The following SAE1 variants were observed in gnomAD, a reference collection of about 807,000 sequenced individuals.
The protein encoded by SAE1 is SUMO1 activating enzyme subunit 1, also known as SUMO-activating enzyme subunit 1.
A neutral mutation model predicts 40.6 loss-of-function variants in SAE1; 11 were observed. The observed-to-expected ratio is 0.27, with a 90% CI of 0.17 to 0.45. The LOEUF (loss-of-function observed/expected upper bound fraction) is 0.45. Among genes scored for constraint, SAE1 ranks in the 20% least tolerant of loss-of-function variants. The pLI, the probability that SAE1 is intolerant of heterozygous loss-of-function variation, is 1.00. For missense variants in SAE1, 373 were observed against 427.3 expected (o/e 0.87, Z 1.12); for synonymous variants, 155 against 154.3 (o/e 1.00, Z -0.03).
At chr19:47,187,798 A>C (rs2058552876) in intron 6 of SAE1, among the ~76,000 whole-genome samples, 1 of 152,124 alleles carries the variant, frequency 6.6e-6, no homozygotes, top group African/African-American at 2.4e-5. Flanking sequence ...CTGGGATTAC[A>C]GGCGTGAGCC....
chr19:47,158,301 C>G (rs1465224322), intron 5 of SAE1, among the ~76,000 whole-genome samples: 2 of 152,188 alleles, frequency 1.3e-5, no homozygotes, highest in Non-Finnish European at 2.9e-5. Context: ...GTGGGCCTTT[C>G]TAGCACCTGT....
intron 6 of SAE1, among the ~76,000 whole-genome samples, chr19:47,196,333 CTTT>C (rs61498882): frequency 0.011 from 313 of 27,790 alleles, no homozygotes; most frequent in East Asian, 0.024. Context: ...CCGCGCCTGG[CTTT>C]TTTTTTTTTT....
At chr19:47,195,662 C>CCCCTTT (rs977429674) in intron 6 of SAE1, among the ~76,000 whole-genome samples, 2 of 151,712 alleles carry the variant, frequency 1.3e-5, no homozygotes, top group South Asian at 2.1e-4. Context: ...TAGGTCCCTT[C>CCCCTTT]CCCTTTCCCT....
chr19:47,195,839 A>T (rs1201408236), intron 6 of SAE1, among the ~76,000 whole-genome samples: 3 of 134,614 alleles, frequency 2.2e-5, no homozygotes, highest in Non-Finnish European at 4.6e-5. Flanking sequence ...GGCTCAAGTG[A>T]TCTTCTGCCT....
chr19:47,156,691 G>A (rs1228062633), intron 5 of SAE1, among the ~76,000 whole-genome samples: 2 of 152,084 alleles, frequency 1.3e-5, no homozygotes, highest in Non-Finnish European at 2.9e-5. Context: ...GCTAATTTTT[G>A]TATTTTTAGT....
intron 6 of SAE1, among the ~76,000 whole-genome samples, chr19:47,187,818 G>A (rs1031302918): frequency 2.0e-5 from 3 of 151,188 alleles, no homozygotes; most frequent in Admixed American, 6.6e-5. Flanking sequence ...CACTGCACCC[G>A]GCCTCTGGAT....
chr19:47,181,799 T>C lies in SAE1; in HGVS notation c.733+11876T>C, dbSNP rs2058508683. ...TGGCCTCTTTTTTTTTTTTTTTTTT[T>C]TTAATTTTACAGAATTTTTTTTTTT... On this transcript the variant is annotated intron_variant, in intron 6 of 8. Coordinates refer to ENST00000270225, the MANE Select transcript of SAE1 (RefSeq NM_005500.3). 2.7e-5 allele frequency among the ~76,000 whole-genome samples: 4 copies of C among 149,640 alleles called. No individual in the cohort carries two copies. In the South Asian group the frequency reaches 8.4e-4, roughly 31 times the overall value.
intron 2 of SAE1, among the ~76,000 whole-genome samples, chr19:47,143,953 T>G (rs985985029): frequency 3.9e-5 from 6 of 152,132 alleles, no homozygotes; most frequent in African/African-American, 1.4e-4. Context: ...AAATGCAGAG[T>G]GGCCTGGAGG....
intron 3 of SAE1, among the ~76,000 whole-genome samples, chr19:47,152,622 A>G (rs1340304784): frequency 6.6e-6 from 1 of 152,204 alleles, no homozygotes; most frequent in Non-Finnish European, 1.5e-5. Flanking sequence ...TTCGTGGATT[A>G]CAGAAAACAT....
chr19:47,193,993 CT>C (rs376857109), intron 6 of SAE1, among the ~76,000 whole-genome samples: 15 of 148,762 alleles, frequency 1.0e-4, no homozygotes, highest in Non-Finnish European at 7.5e-5. Context: ...CAGGGTGTGT[CT>C]TTTTTTTTTA....
At chr19:47,149,674 A>T (rs1365130174) in intron 2 of SAE1, among the ~76,000 whole-genome samples, 1 of 152,174 alleles carries the variant, frequency 6.6e-6, no homozygotes, top group Non-Finnish European at 1.5e-5. Flanking sequence ...TTTTCTTTAT[A>T]AACACAAGGG....
intron 6 of SAE1, among the ~76,000 whole-genome samples, chr19:47,193,824 T>C (rs2058595038): frequency 7.9e-6 from 1 of 126,892 alleles, no homozygotes; most frequent in African/African-American, 3.0e-5. Context: ...CAAGATTGTC[T>C]CAAAAAAAAA....
intron 6 of SAE1, among the ~76,000 whole-genome samples, chr19:47,193,752 C>T (rs1195996945): frequency 1.3e-5 from 2 of 149,050 alleles, no homozygotes; most frequent in East Asian, 3.9e-4. Flanking sequence ...GGCTTGAACC[C>T]GGGAGGTGGA....
chr19:47,131,105 G>T, intron 1 of SAE1, 77 bp downstream of exon 1: 1 of 1,454,106 alleles, frequency 6.9e-7, no homozygotes. Context: ...CCCGGAAGGA[G>T]CGGGAAGGTG....
intron 6 of SAE1, among the ~76,000 whole-genome samples, chr19:47,176,817 G>C (rs1470444131): frequency 6.6e-6 from 1 of 152,218 alleles, no homozygotes; most frequent in Non-Finnish European, 1.5e-5. Context: ...CTCGCCATCT[G>C]TGAGCAAAAG....
At chr19:47,204,485 A>C (rs1338236106) in intron 8 of SAE1, among the ~76,000 whole-genome samples, 4 of 142,088 alleles carry the variant, frequency 2.8e-5, no homozygotes, top group African/African-American at 1.1e-4. Context: ...GGCATGAGCC[A>C]CTGTACCCAG....
At chr19:47,147,199 G>GTTTTTTTTT (rs397859917) in intron 2 of SAE1, among the ~76,000 whole-genome samples, 1 of 60,934 alleles carries the variant, frequency 1.6e-5, no homozygotes, top group Non-Finnish European at 3.0e-5. Flanking sequence ...ATGTGTATGG[G>GTTTTTTTTT]TTTTTTTTTT....
intron 5 of SAE1, among the ~76,000 whole-genome samples, chr19:47,160,943 A>G (rs901025583): frequency 6.6e-6 from 1 of 152,148 alleles, no homozygotes; most frequent in Admixed American, 6.5e-5. Flanking sequence ...TCCAGGTAGG[A>G]GAGTTAGTTG....
chr19:47,191,691 C>T (rs2058578767), intron 6 of SAE1, among the ~76,000 whole-genome samples: 1 of 152,096 alleles, frequency 6.6e-6, no homozygotes, highest in Non-Finnish European at 1.5e-5. Flanking sequence ...TCACAAGGGA[C>T]CAACAAGAGG....
Sources: allele counts gnomAD v4.1 joint callset (sites outside exome capture counted in the v4.1 genomes callset), GRCh38; gene constraint gnomAD v4.1.1; transcripts MANE v1.5; gene names NCBI Gene and HGNC (gene_info 2026-07-23, HGNC 2026-07-21).